Variants in PALM2AKAP2 observed in about 807,000 individuals in gnomAD.
PALM2AKAP2 encodes PALM2-AKAP2 fusion protein.
PALM2AKAP2 carries 37 observed loss-of-function variants against 71.5 expected under a neutral mutation model. The ratio of observed to expected loss-of-function variants is 0.52; its 90% CI spans 0.40 to 0.68. The LOEUF (loss-of-function observed/expected upper bound fraction) is 0.68. Among genes scored for constraint, PALM2AKAP2 ranks in the 30% least tolerant of loss-of-function variants. PALM2AKAP2 has a pLI of 0.00. For missense variants in PALM2AKAP2, 1,224 were observed against 1,191.8 expected, an observed-to-expected ratio of 1.03 and a Z score of -0.40; for synonymous variants, 468 against 478.8, an observed-to-expected ratio of 0.98 and a Z score of 0.29.
intron 1 of PALM2AKAP2, among the ~76,000 whole-genome samples, chr9:109,853,659 A>G (rs1829079690): frequency 6.6e-6 from 1 of 152,196 alleles, no homozygotes; most frequent in Non-Finnish European, 1.5e-5. Flanking sequence ...CTAGAAGTGA[A>G]ATGTGTTGTT....
chr9:109,789,470 A>G (rs1473935794), intron 1 of PALM2AKAP2, among the ~76,000 whole-genome samples: 1 of 152,210 alleles, frequency 6.6e-6, no homozygotes, highest in Non-Finnish European at 1.5e-5. Context: ...TTGGCATATC[A>G]AGGACAAGTT....
At chr9:109,693,761 T>C (rs999614733) in intron 1 of PALM2AKAP2, among the ~76,000 whole-genome samples, 2 of 152,096 alleles carry the variant, frequency 1.3e-5, no homozygotes, top group African/African-American at 4.8e-5. Flanking sequence ...TTTCAGATAT[T>C]CTTCTAACAT....
intron 1 of PALM2AKAP2, chr9:110,090,501 A>G (rs1834682130): frequency 8.9e-6 from 4 of 451,398 alleles, no homozygotes; most frequent in South Asian, 6.3e-5. Flanking sequence ...ATTAAGGCAC[A>G]TTTCTCTTTT....
chr9:109,734,658 T>A (rs184445744), intron 1 of PALM2AKAP2, among the ~76,000 whole-genome samples: 28 of 152,310 alleles, frequency 1.8e-4, no homozygotes, highest in African/African-American at 5.1e-4. Flanking sequence ...ACAGATTCCA[T>A]GACATTTTAA....
At chr9:109,654,007 G>T (rs570508149) in intron 1 of PALM2AKAP2, among the ~76,000 whole-genome samples, 99 of 152,178 alleles carry the variant, frequency 6.5e-4, no homozygotes, top group Non-Finnish European at 1.3e-3. Context: ...GTAGGGGTTA[G>T]CCAATAAGTG....
At chr9:110,020,610 G>T (rs1588062312) in intron 7 of PALM2AKAP2, among the ~76,000 whole-genome samples, 1 of 152,060 alleles carries the variant, frequency 6.6e-6, no homozygotes, top group South Asian at 2.1e-4. Context: ...TTAAACCCAG[G>T]AGGTGGAGGT....
At chr9:109,930,784 A>G (rs17203106) in intron 5 of PALM2AKAP2, among the ~76,000 whole-genome samples, 7,292 of 152,266 alleles carry the variant, frequency 0.048, 278 homozygotes, top group Admixed American at 0.11. Context: ...TTTTGAACAG[A>G]GGCAGAGGCT....
At chr9:109,888,693 A>G (rs2131801394) in intron 3 of PALM2AKAP2, among the ~76,000 whole-genome samples, 2 of 139,702 alleles carry the variant, frequency 1.4e-5, no homozygotes, top group East Asian at 4.1e-4. Flanking sequence ...CTGGGCATCA[A>G]GAGCAAAATT....
chr9:110,060,342 A>G (rs1036418517), intron 1 of PALM2AKAP2, among the ~76,000 whole-genome samples: 1 of 151,958 alleles, frequency 6.6e-6, no homozygotes, highest in Non-Finnish European at 1.5e-5. Context: ...ACCTCAAGTG[A>G]TCTGCCCACC....
chr9:109,817,516 A>C (rs115057078), intron 1 of PALM2AKAP2, among the ~76,000 whole-genome samples: 86 of 152,326 alleles, frequency 5.6e-4, no homozygotes, highest in African/African-American at 2.0e-3. Flanking sequence ...ACAACAAACA[A>C]TTGTGTAAAA....
intron 1 of PALM2AKAP2, among the ~76,000 whole-genome samples, chr9:109,823,883 C>A (rs750024447): frequency 6.6e-6 from 1 of 152,090 alleles, no homozygotes; most frequent in African/African-American, 2.4e-5. Flanking sequence ...TCTTTCAAAG[C>A]CTTTGAACCA....
chr9:109,671,159 G>C (rs1401624662), intron 1 of PALM2AKAP2, among the ~76,000 whole-genome samples: 2 of 151,720 alleles, frequency 1.3e-5, no homozygotes, highest in Non-Finnish European at 2.9e-5. Flanking sequence ...TGCTTTTGTT[G>C]TCTTCATCAT....
At chr9:109,921,116 C>T (rs1830819838) in intron 3 of PALM2AKAP2, among the ~76,000 whole-genome samples, 1 of 152,206 alleles carries the variant, frequency 6.6e-6, no homozygotes, top group Non-Finnish European at 1.5e-5. Flanking sequence ...GTCTCGCCCA[C>T]ACACAGCCTC....
At chr9:109,699,912 A>G (rs1254616128) in intron 1 of PALM2AKAP2, among the ~76,000 whole-genome samples, 1 of 151,956 alleles carries the variant, frequency 6.6e-6, no homozygotes. Flanking sequence ...AGTAGCTGGG[A>G]CTACAGGCAT....
At chr9:109,971,092 C>CAAATA (rs371265104) in intron 6 of PALM2AKAP2, among the ~76,000 whole-genome samples, 267 of 152,156 alleles carry the variant, frequency 1.8e-3, no homozygotes, top group African/African-American at 5.9e-3. Flanking sequence ...GACCCTGTCT[C>CAAATA]AAATAAAATA....
intron 1 of PALM2AKAP2, among the ~76,000 whole-genome samples, chr9:109,758,341 G>A (rs116007426): frequency 3.2e-3 from 492 of 152,142 alleles, no homozygotes; most frequent in African/African-American, 0.011. Flanking sequence ...TTGAGCATGG[G>A]TCATCTGTAG....
chr9:109,783,570 T>TTTAG (rs916745612), intron 1 of PALM2AKAP2, among the ~76,000 whole-genome samples: 94 of 152,260 alleles, frequency 6.2e-4, no homozygotes, highest in African/African-American at 2.2e-3. Context: ...AAGCACTGAG[T>TTTAG]TTAGAGACAT....
chr9:109,690,284 T>C (rs1827864627), intron 1 of PALM2AKAP2, among the ~76,000 whole-genome samples: 1 of 152,188 alleles, frequency 6.6e-6, no homozygotes, highest in South Asian at 2.1e-4. Context: ...AAATCAGCTG[T>C]AGGTAAATAT....
chr9:109,767,626 C>G (rs574486748), intron 1 of PALM2AKAP2, among the ~76,000 whole-genome samples: 1 of 152,328 alleles, frequency 6.6e-6, no homozygotes, highest in African/African-American at 2.4e-5. Context: ...GCCTCCTCTC[C>G]CTGAACCCCT....
Sources: gnomAD v4.1 joint callset for allele counts (sites outside exome capture counted in the v4.1 genomes callset) on GRCh38, gnomAD v4.1.1 for gene constraint, MANE v1.5 for transcripts, NCBI Gene and HGNC (gene_info 2026-07-23, HGNC 2026-07-21) for gene names.